The following CDH5 variants were observed in gnomAD, a reference collection of about 807,000 sequenced individuals.
The protein encoded by CDH5 is cadherin 5.
In CDH5, 28 loss-of-function variants were observed where a neutral mutation model predicts 62.0. The ratio of observed to expected loss-of-function variants is 0.45; its 90% confidence interval spans 0.33 to 0.62. The LOEUF (loss-of-function observed/expected upper bound fraction) is 0.62, where lower values mean the gene tolerates loss of function less well. CDH5 is among the 20% of genes least tolerant of loss of function. The pLI is 0.02. For missense variants in CDH5, 940 were observed against 1,065.1 expected, an observed-to-expected ratio of 0.88 and a Z score of 1.63; for synonymous variants, 464 against 445.8, an observed-to-expected ratio of 1.04 and a Z score of -0.52.
intron 11 of CDH5, among the ~76,000 whole-genome samples, 197 bp from the exon 12 acceptor site, chr16:66,402,455 T>G (rs1596949584): frequency 2.7e-5 from 2 of 73,744 alleles, no homozygotes; most frequent in Admixed American, 1.6e-4. Context: ...GATGGGGGTA[T>G]GGGGGAACGG....
chr16:66,373,080 A>C (rs1327185835), intron 1 of CDH5, among the ~76,000 whole-genome samples: 1 of 152,148 alleles, frequency 6.6e-6, no homozygotes, highest in Non-Finnish European at 1.5e-5. Context: ...TGGGCTGCTC[A>C]GCTGGGAATT....
Position 66,379,518 on chromosome 16 carries a change from AACACCTC to A in CDH5, c.184_190del (p.Thr62PhefsTer5), listed in dbSNP as rs1450460316. On this transcript the variant is annotated frameshift_variant, in exon 2 of 12. Transcript: ENST00000341529. LOFTEE classifies it high-confidence loss of function. ...CCAGATGCACATTGATGAAGAGAAA[AACACCTC>A]ACTTCCCCATCATGTAGGCAAGGTA... 3.7e-6 allele frequency: 6 copies of A among 1,614,064 alleles called. No individual in the cohort carries two copies. The highest frequency in any genetic ancestry group is 4.2e-6 in the Non-Finnish European group (5 of 1,180,036).
rs759074660 is a variant in CDH5, at chr16:66,386,967, G to A, written c.369G>A (p.Val123=). The A allele has an allele frequency of 3.1e-6, 5 of 1,613,964 alleles. No individual in the cohort carries two copies. The highest frequency in any genetic ancestry group is 4.2e-6 in the Non-Finnish European group (5 of 1,179,958). ...ISEYHLTAVI[V]DKDTGENLET... ...AGTACCACCTCACTGCTGTCATTGT[G>A]GACAAGGACACTGGCGAAAACCTGG... Residue 123 remains valine, a synonymous_variant, in exon 3 of 12, where the codon GTG becomes GTA. Transcript: ENST00000341529.
rs771651954 is a variant in CDH5 at position 66,388,430 on chromosome 16, C to G, written c.606C>G (p.Ile202Met). The change falls in exon 4 of 12, where the codon ATC becomes ATG. Residue 202 changes from isoleucine to methionine, a missense_variant. Coordinates refer to ENST00000341529, the MANE Select transcript of CDH5 (RefSeq NM_001795.5). The stretch of plus-strand genomic sequence containing the variant: ...TGAAGGGGAAAGAGTATTTTGCCAT[C>G]GATAATTCTGGTCTGTGTGACTAAC... ...QILKGKEYFA[I>M]DNSGRIITIT... The G allele has an allele frequency of 1.2e-6, 2 of 1,603,800 alleles. No homozygotes were observed. Among genetic ancestry groups the G allele is most frequent in the Non-Finnish European group, 8.5e-7 (1 of 1,170,634 alleles).
intron 1 of CDH5, among the ~76,000 whole-genome samples, chr16:66,378,241 C>CTTTA (rs1289223474): frequency 6.6e-6 from 1 of 152,292 alleles, no homozygotes; most frequent in East Asian, 1.9e-4. Flanking sequence ...CGAGAGAAGG[C>CTTTA]TTTAAATCTT....
chr16:66,401,497 C>T (rs1199803012), intron 11 of CDH5, among the ~76,000 whole-genome samples: 1 of 152,186 alleles, frequency 6.6e-6, no homozygotes, highest in Non-Finnish European at 1.5e-5. Flanking sequence ...GGCCTTGATA[C>T]ATATTTTTTT....
chr16:66,388,865 C>T lies in CDH5; in HGVS notation c.616+425C>T, dbSNP rs541192869. On this transcript the variant is annotated intron_variant, in intron 4 of 11. Coordinates refer to ENST00000341529, the MANE Select transcript of CDH5 (RefSeq NM_001795.5). The stretch of plus-strand genomic sequence containing the variant: ...GAGGTAGGAATGCTTATATTTATAT[C>T]GTATGGTAGCTGTAAAGTTTGAGTT... 4.6e-5 allele frequency among the ~76,000 whole-genome samples: 7 copies of T among 152,190 alleles called. No homozygotes were observed. The South Asian group carries it at 1.5e-3, about 32-fold the overall frequency.
At chr16:66,385,573 G>A (rs760767792) in intron 2 of CDH5, among the ~76,000 whole-genome samples, 18 of 152,160 alleles carry the variant, frequency 1.2e-4, no homozygotes, top group Non-Finnish European at 1.8e-4. Flanking sequence ...GTTCTGATGC[G>A]TAGCACTTGC....
intron 9 of CDH5, 27 bp from the exon 10 acceptor site, chr16:66,398,429 G>T: frequency 7.1e-7 from 1 of 1,406,566 alleles, no homozygotes; most frequent in South Asian, 1.2e-5. Flanking sequence ...CACCATCACT[G>T]ACCATCTCCT....
chr16:66,370,821 G>A (rs944766710), intron 1 of CDH5, among the ~76,000 whole-genome samples: 1 of 152,246 alleles, frequency 6.6e-6, no homozygotes, highest in African/African-American at 2.4e-5. Flanking sequence ...CTGCTGCTGA[G>A]AGGAAGGGCA....
Position 66,402,897 on chromosome 16 carries a change from G to C in CDH5, c.2083G>C (p.Ala695Pro). ...YAQVQKPPRH[A>P]PGAHGGPGEM... ...GCAGGTGCAGAAGCCACCGAGGCAC[G>C]CGCCTGGGGCACACGGAGGGCCCGG... The change falls in exon 12 of 12, where the codon GCG (alanine) becomes CCG (proline). Residue 695 changes from alanine to proline, a missense_variant. Ala to Pro is a conservative substitution (Grantham distance 27). Coordinates refer to ENST00000341529, the MANE Select transcript of CDH5 (RefSeq NM_001795.5). 1 of 1,611,186 alleles carries C rather than the reference G, an allele frequency of 6.2e-7. No homozygotes were observed. Among genetic ancestry groups the C allele is most frequent in the Non-Finnish European group, 8.5e-7 (1 of 1,179,552 alleles).
intron 7 of CDH5, chr16:66,392,774 A>T (rs1961111845): frequency 4.8e-6 from 1 of 208,356 alleles, no homozygotes; most frequent in Admixed American, 5.2e-5. Flanking sequence ...CACAAAAGTA[A>T]GAAGTGTTCA....
At chr16:66,384,253 AT>A (rs60072358) in intron 2 of CDH5, among the ~76,000 whole-genome samples, 101,302 of 143,212 alleles carry the variant, frequency 0.71, 35,905 homozygotes, top group East Asian at 0.81. Context: ...CACCCAGCTA[AT>A]TTTTTTTTTT....
At chr16:66,384,408 A>G (rs2142322672) in intron 2 of CDH5, among the ~76,000 whole-genome samples, 1 of 151,798 alleles carries the variant, frequency 6.6e-6, no homozygotes, top group East Asian at 2.0e-4. Flanking sequence ...CAGCCTTTCT[A>G]AAGAGTCCTC....
intron 6 of CDH5, 101 bp downstream of exon 6, chr16:66,390,691 G>A: frequency 1.8e-6 from 2 of 1,096,544 alleles, no homozygotes. Flanking sequence ...ACCATCAAAG[G>A]ACCATCAAAG....
rs144374458 is a variant in CDH5 at position 66,403,019 on chromosome 16, C to T, written c.2205C>T (p.Gly735=). The change falls in exon 12 of 12, where the codon GGC becomes GGT. Residue 735 remains glycine (G), a synonymous_variant. Transcript: ENST00000341529. This position sits in a 1 kb window ranked among gnomAD's most constrained non-coding sequence, Gnocchi z 4.3. ...YDTLHIYGYE[G]SESIAESLSS... ...CGCTGCACATCTACGGCTACGAGGGCTCCGAGTCCATAGCCGAGTCCCTCA... is the reference window on the plus strand; with the variant it reads ...CGCTGCACATCTACGGCTACGAGGGTTCCGAGTCCATAGCCGAGTCCCTCA... 244 of 1,613,270 alleles carry T rather than the reference C, an allele frequency of 1.5e-4. 1 individual carries two copies. In the East Asian group the frequency reaches 5.4e-3, roughly 36 times the overall value.
chr16:66,383,461 T>C (rs565789119), intron 2 of CDH5, among the ~76,000 whole-genome samples: 1 of 152,170 alleles, frequency 6.6e-6, no homozygotes, highest in African/African-American at 2.4e-5. Context: ...AAACAGAAAC[T>C]GGATATTCAC....
intron 4 of CDH5, 133 bp downstream of exon 4, chr16:66,388,573 A>C: frequency 1.5e-6 from 1 of 669,380 alleles, no homozygotes; most frequent in South Asian, 1.8e-5. Context: ...TGTACCATGG[A>C]AGTAGTCAGT....
At position 66,367,457 on chromosome 16, in the gene CDH5, G is replaced by A. The variant is rs996401091; in HGVS notation, c.-20+699G>A. Among the ~76,000 whole-genome samples the A allele has an allele frequency of 3.3e-5, 5 of 152,268 alleles. No individual in the cohort carries two copies. In the East Asian group the frequency reaches 7.7e-4, roughly 24 times the overall value. ...TCCTCCCACCAGCACCCTTTCAAAG[G>A]CTAGAGCATAAGAGCCCCAAGGCCC... is the stretch of plus-strand genomic sequence containing the variant. On this transcript the variant is annotated intron_variant, in intron 1 of 11. Coordinates refer to ENST00000341529, the MANE Select transcript of CDH5 (RefSeq NM_001795.5).
Sources: allele counts gnomAD v4.1 joint callset (sites outside exome capture counted in the v4.1 genomes callset), GRCh38; gene constraint gnomAD v4.1.1; non-coding constraint Gnocchi (gnomAD v3.1); transcripts MANE v1.5; gene names NCBI Gene and HGNC (gene_info 2026-07-23, HGNC 2026-07-21).